PARPBP: variants seen among roughly 807,000 people sequenced by gnomAD.
PARPBP encodes PCNA-interacting partner.
A neutral mutation model predicts 50.0 loss-of-function variants in PARPBP; 52 were observed. The observed-to-expected ratio is 1.04, with a 90% CI of 0.83 to 1.31. PARPBP has a LOEUF of 1.31. PARPBP is among the 50% of genes most tolerant of loss of function. The pLI, the probability that PARPBP is intolerant of heterozygous loss-of-function variation, is 0.00. For missense variants in PARPBP, 697 were observed against 672.0 expected (o/e 1.04, Z -0.41); for synonymous variants, 244 against 232.1 (o/e 1.05, Z -0.47).
At chr12:102,157,843 A>G (rs571533341) in intron 4 of PARPBP, among the ~76,000 whole-genome samples, 17 of 152,044 alleles carry the variant, frequency 1.1e-4, no homozygotes, top group African/African-American at 3.9e-4. Context: ...GCTTCTGGCC[A>G]GGCACGGTGG....
intron 4 of PARPBP, among the ~76,000 whole-genome samples, chr12:102,157,916 C>T (rs577376929): frequency 5.3e-5 from 8 of 151,726 alleles, no homozygotes; most frequent in Admixed American, 2.0e-4. Flanking sequence ...GTCAGGAGAT[C>T]GAGACCATCC....
intron 3 of PARPBP, among the ~76,000 whole-genome samples, chr12:102,152,590 G>C (rs1886348080): frequency 6.6e-6 from 1 of 152,066 alleles, no homozygotes; most frequent in Non-Finnish European, 1.5e-5. Flanking sequence ...GTTGTTCACT[G>C]TTTTCCTGTG....
At chr12:102,149,257 A>G (rs958703116) in intron 3 of PARPBP, among the ~76,000 whole-genome samples, 2 of 152,230 alleles carry the variant, frequency 1.3e-5, no homozygotes, top group Non-Finnish European at 2.9e-5. Flanking sequence ...GTTTTAGCCG[A>G]TTATAATAGA....
chr12:102,197,276 G>T lies in PARPBP; in HGVS notation c.*985G>T. 1 of 1,009,476 alleles carries T rather than the reference G, an allele frequency of 9.9e-7. No individual in the cohort carries two copies. Among genetic ancestry groups the T allele is most frequent in the African/African-American group, 1.6e-5 (1 of 61,198 alleles). The allele number at this position is 1,009,476 out of a possible 1,614,324, so 62.5% of individuals were successfully genotyped here. ...GATCAATTCAAAGTTACTCTGCACTGTTTTTGACTTTTTAAAAATACCTTA... is the reference window on the plus strand; with the variant it reads ...GATCAATTCAAAGTTACTCTGCACTTTTTTTGACTTTTTAAAAATACCTTA... On this transcript the variant is annotated 3_prime_UTR_variant, in exon 11 of 11. Coordinates refer to ENST00000327680, the MANE Select transcript of PARPBP (RefSeq NM_017915.5).
At chr12:102,141,163 G>C (rs2138135001) in intron 2 of PARPBP, among the ~76,000 whole-genome samples, 1 of 152,270 alleles carries the variant, frequency 6.6e-6, no homozygotes, top group East Asian at 1.9e-4. Context: ...GAATCTGGGT[G>C]CTCCTGTATT....
At chr12:102,150,474 G>A in intron 3 of PARPBP, 2 of 338,986 alleles carry the variant, frequency 5.9e-6, no homozygotes, top group Non-Finnish European at 1.1e-5. Context: ...CTGAAATAAG[G>A]TAGGGATTAT....
Position 102,170,905 on chromosome 12 carries a change from C to CTT in PARPBP, c.822-4561_822-4560dup, listed in dbSNP as rs56390964. Among the ~76,000 whole-genome samples the CTT allele has an allele frequency of 9.7e-5, 11 of 113,322 alleles. No homozygotes were observed. The South Asian group carries it at 1.2e-3, about 12-fold the overall frequency. 74.3% of individuals were successfully genotyped at this position (113,322 alleles called of 152,430 possible). A position where few individuals can be genotyped will look rare whatever the true frequency, so the allele number is the denominator to read the frequency against. The stretch of plus-strand genomic sequence containing the variant: ...ATATGCTTTTCTCTGTTTAATTTTT[C>CTT]TTTTTTTTTTTTTTTTTTGCTTTTT... On this transcript the variant is annotated intron_variant, in intron 6 of 10. Transcript: ENST00000327680.
chr12:102,193,412 C>G lies in PARPBP; in HGVS notation c.1264-1900C>G, dbSNP rs533959422. Among the ~76,000 whole-genome samples, 15 of 151,972 alleles carry G rather than the reference C, an allele frequency of 9.9e-5. No individual in the cohort carries two copies. In the South Asian group the frequency reaches 2.9e-3, roughly 29 times the overall value. ...GAGTTTTGCAGTGAGAAGCTAACAT[C>G]TCCCAAGCTAACTCTAGGTGCCATC... On this transcript the variant is annotated intron_variant, in intron 9 of 10. Transcript: ENST00000327680.
chr12:102,150,305 T>G lies in PARPBP; in HGVS notation c.387+1842T>G, dbSNP rs59829190. 648 of 454,756 alleles carry G rather than the reference T, an allele frequency of 1.4e-3. 2 individuals are homozygous for G. Among genetic ancestry groups the G allele is most frequent in the African/African-American group, 0.011 (566 of 50,136 alleles). The allele number at this position is 454,756 out of a possible 1,614,324, so 28.2% of individuals were successfully genotyped here. A position where few individuals can be genotyped will look rare whatever the true frequency, so the allele number is the denominator to read the frequency against. ...GGGAAAAAGTAGACAGGAAAATATA[T>G]CCCTAGATTGATTTCTCAAAAATGC... On this transcript the variant is annotated intron_variant, in intron 3 of 10. Coordinates refer to ENST00000327680, the MANE Select transcript of PARPBP (RefSeq NM_017915.5).
intron 9 of PARPBP, among the ~76,000 whole-genome samples, chr12:102,186,641 T>C (rs2137147573): frequency 6.6e-6 from 1 of 152,342 alleles, no homozygotes. Context: ...AGATACCTCC[T>C]TAAATCCCTG....
At chr12:102,142,056 T>C (rs539519933) in intron 2 of PARPBP, among the ~76,000 whole-genome samples, 1 of 152,334 alleles carries the variant, frequency 6.6e-6, no homozygotes, top group South Asian at 2.1e-4. Context: ...GGGGAAGTTC[T>C]CCTGGATAAT....
chr12:102,126,145 A>T (rs1028513895), intron 2 of PARPBP, among the ~76,000 whole-genome samples: 1 of 152,170 alleles, frequency 6.6e-6, no homozygotes, highest in Admixed American at 6.5e-5. Context: ...CTTTGGCTTT[A>T]TGTGGCGGGG....
Position 102,156,252 on chromosome 12 carries a change from T to A in PARPBP, c.495+2276T>A, listed in dbSNP as rs1035983505. Among the ~76,000 whole-genome samples, 3 of 127,962 alleles carry A rather than the reference T, an allele frequency of 2.3e-5. No individual in the cohort carries two copies. In the Admixed American group the frequency reaches 2.8e-4, roughly 12 times the overall value. The allele number at this position is 127,962 out of a possible 152,430, so 83.9% of individuals were successfully genotyped here. ...CCCAGACTGGAGTGCAGTGGCGCAA[T>A]CTCGGCTCATTGGAAGCTCCGCCTC... is the stretch of plus-strand genomic sequence containing the variant. On this transcript the variant is annotated intron_variant, in intron 4 of 10. Coordinates refer to ENST00000327680, the MANE Select transcript of PARPBP (RefSeq NM_017915.5).
intron 2 of PARPBP, among the ~76,000 whole-genome samples, chr12:102,127,174 C>A: frequency 6.6e-6 from 1 of 152,072 alleles, no homozygotes; most frequent in East Asian, 1.9e-4. Context: ...ATGGGCAGAT[C>A]ACTTAAGCCC....
chr12:102,128,109 A>C (rs979165127), intron 2 of PARPBP, among the ~76,000 whole-genome samples: 5 of 152,118 alleles, frequency 3.3e-5, no homozygotes, highest in African/African-American at 1.2e-4. Flanking sequence ...TGTACAATAG[A>C]TCTCTTGAAA....
Position 102,163,578 on chromosome 12 carries a change from C to T in PARPBP, c.496-860C>T, listed in dbSNP as rs1369180823. On this transcript the variant is annotated intron_variant, in intron 4 of 10. Transcript: ENST00000327680. ...GGATTCCAATTACGTGTATGTTTGACCTCTTAAATTGTCTCATTAATCCCT... is the reference window on the plus strand; with the variant it reads ...GGATTCCAATTACGTGTATGTTTGATCTCTTAAATTGTCTCATTAATCCCT... Among the ~76,000 whole-genome samples, 4 of 152,086 alleles carry T rather than the reference C, an allele frequency of 2.6e-5. No homozygotes were observed. In the East Asian group the frequency reaches 7.7e-4, roughly 29 times the overall value.
At chr12:102,140,775 C>T (rs1884457422) in intron 2 of PARPBP, among the ~76,000 whole-genome samples, 1 of 152,164 alleles carries the variant, frequency 6.6e-6, no homozygotes, top group African/African-American at 2.4e-5. Context: ...TGTTCAGTTT[C>T]CATGTAGTTG....
At chr12:102,188,669 C>T (rs1190659356) in intron 9 of PARPBP, among the ~76,000 whole-genome samples, 1 of 151,910 alleles carries the variant, frequency 6.6e-6, no homozygotes, top group African/African-American at 2.4e-5. Context: ...ATGATTTGTC[C>T]TTTAATAAAG....
At chr12:102,150,360 GTC>G in intron 3 of PARPBP, 1 of 431,634 alleles carries the variant, frequency 2.3e-6, no homozygotes, top group Non-Finnish European at 4.6e-6. Context: ...TTTGCTGAAA[GTC>G]TCTTTCAAGG....
Sources: gnomAD v4.1 joint callset for allele counts (sites outside exome capture counted in the v4.1 genomes callset) on GRCh38, gnomAD v4.1.1 for gene constraint, MANE v1.5 for transcripts, NCBI Gene and HGNC (gene_info 2026-07-23, HGNC 2026-07-21) for gene names.